Variants in TXNRD2 observed in about 807,000 individuals in gnomAD.
TXNRD2 encodes the protein thioredoxin reductase 2, mitochondrial.
In TXNRD2, 67 loss-of-function variants were observed where a neutral mutation model predicts 70.8. The ratio of observed to expected loss-of-function variants is 0.95; its 90% CI spans 0.78 to 1.16. The LOEUF is 1.16. Among genes scored for constraint, TXNRD2 ranks in the 50% most tolerant of loss-of-function variants. The pLI is 0.00. For missense variants in TXNRD2, 644 were observed against 719.9 expected (o/e 0.89, Z 1.21); for synonymous variants, 301 against 295.8 (o/e 1.02, Z -0.18).
intron 11 of TXNRD2, among the ~76,000 whole-genome samples, chr22:19,884,876 G>A (rs893480179): frequency 6.6e-6 from 1 of 152,144 alleles, no homozygotes; most frequent in African/African-American, 2.4e-5. Flanking sequence ...GCAGCCCCTC[G>A]TGGCTGCCTG....
intron 8 of TXNRD2, among the ~76,000 whole-genome samples, chr22:19,909,904 ACACACC>A (rs1477600585): frequency 2.7e-5 from 1 of 37,028 alleles, no homozygotes; most frequent in Non-Finnish European, 4.4e-5. Flanking sequence ...CACACACACC[ACACACC>A]CACACCCTTC....
At chr22:19,903,325 C>T (rs1939862801) in intron 8 of TXNRD2, among the ~76,000 whole-genome samples, 1 of 152,254 alleles carries the variant, frequency 6.6e-6, no homozygotes, top group Non-Finnish European at 1.5e-5. Context: ...CTCATTCACG[C>T]CCTCGGCCCC....
chr22:19,933,863 A>C (rs1324630911), intron 1 of TXNRD2, among the ~76,000 whole-genome samples: 1 of 151,996 alleles, frequency 6.6e-6, no homozygotes, highest in African/African-American at 2.4e-5. Context: ...AGCCAGGCAT[A>C]CCCTCTCCAC....
At chr22:19,928,026 G>A (rs1941216753) in intron 2 of TXNRD2, among the ~76,000 whole-genome samples, 1 of 151,842 alleles carries the variant, frequency 6.6e-6, no homozygotes, top group South Asian at 2.1e-4. Flanking sequence ...CAACGTTTTG[G>A]GAGGCCAAGG....
intron 2 of TXNRD2, among the ~76,000 whole-genome samples, chr22:19,925,372 A>G (rs1202221904): frequency 4.0e-5 from 6 of 151,856 alleles, no homozygotes; most frequent in African/African-American, 1.5e-4. Flanking sequence ...AGAATTCATT[A>G]CCCCCAGAGC....
chr22:19,891,652 T>G (rs1175522435), intron 11 of TXNRD2: 4 of 152,224 alleles, frequency 2.6e-5, no homozygotes, highest in African/African-American at 9.7e-5. Context: ...GCGGGCGAAT[T>G]CGAGCCCGCA....
chr22:19,927,973 T>C lies in TXNRD2; in HGVS notation c.172+3057A>G, dbSNP rs181950423. The stretch of plus-strand genomic sequence containing the variant: ...ATAAAATATGTGAAAGACGTAGACA[T>C]TGAAAACCACAGGCCAGGCACCGTG... On this transcript the variant is annotated intron_variant, in intron 2 of 17. Coordinates refer to ENST00000400521, the MANE Select transcript of TXNRD2 (RefSeq NM_006440.5). Among the ~76,000 whole-genome samples, 235 of 152,124 alleles carry C rather than the reference T, an allele frequency of 1.5e-3. 1 individual carries two copies. The highest frequency in any genetic ancestry group is 2.0e-3 in the Non-Finnish European group (138 of 67,994).
intron 11 of TXNRD2, among the ~76,000 whole-genome samples, chr22:19,888,972 C>G (rs527933532): frequency 6.6e-6 from 1 of 151,790 alleles, no homozygotes; most frequent in Non-Finnish European, 1.5e-5. Flanking sequence ...AGGGGACGCA[C>G]CTGCCCTGCT....
chr22:19,923,294 C>T (rs993280654), intron 2 of TXNRD2, among the ~76,000 whole-genome samples: 1 of 152,152 alleles, frequency 6.6e-6, no homozygotes, highest in Non-Finnish European at 1.5e-5. Flanking sequence ...TGATGACTTT[C>T]AAGGATAGAT....
intron 10 of TXNRD2, among the ~76,000 whole-genome samples, chr22:19,897,002 C>T (rs997155449): frequency 6.6e-6 from 1 of 152,196 alleles, no homozygotes; most frequent in Non-Finnish European, 1.5e-5. Context: ...CTTGCCTGGG[C>T]ACGGCCCCCA....
At chr22:19,937,256 A>G (rs1361686680) in intron 1 of TXNRD2, among the ~76,000 whole-genome samples, 3 of 152,150 alleles carry the variant, frequency 2.0e-5, no homozygotes, top group African/African-American at 7.2e-5. Context: ...CTGCTCATTT[A>G]GGCTTTGATG....
chr22:19,909,909 C>CA (rs1271207627), intron 8 of TXNRD2, among the ~76,000 whole-genome samples: 35 of 41,506 alleles, frequency 8.4e-4, no homozygotes, highest in Middle Eastern at 9.3e-3. Context: ...ACACCACACA[C>CA]CCACACCCTT....
At chr22:19,935,011 T>C (rs1055729890) in intron 1 of TXNRD2, among the ~76,000 whole-genome samples, 2 of 152,232 alleles carry the variant, frequency 1.3e-5, no homozygotes, top group African/African-American at 4.8e-5. Flanking sequence ...TTGAACAATA[T>C]GAAATCAGCG....
At chr22:19,932,539 G>C in intron 1 of TXNRD2, 1 of 1,516,870 alleles carries the variant, frequency 6.6e-7, no homozygotes, top group South Asian at 1.2e-5. Context: ...ACACTGAACT[G>C]GGCCTGAGGT....
chr22:19,924,841 G>A (rs1478173133), intron 2 of TXNRD2, among the ~76,000 whole-genome samples: 1 of 152,052 alleles, frequency 6.6e-6, no homozygotes, highest in Non-Finnish European at 1.5e-5. Context: ...GGAAGAAGGA[G>A]GGACTCAAGG....
intron 11 of TXNRD2, among the ~76,000 whole-genome samples, chr22:19,888,549 G>C (rs968116961): frequency 2.0e-5 from 3 of 152,256 alleles, no homozygotes. Flanking sequence ...CCAGGTGAGA[G>C]GTAAGTGCCA....
At chr22:19,920,541 C>T (rs13056751) in intron 2 of TXNRD2, among the ~76,000 whole-genome samples, 14,070 of 151,914 alleles carry the variant, frequency 0.093, 888 homozygotes, top group Non-Finnish European at 0.13. Flanking sequence ...AGAGATCACA[C>T]CACTGTACTC....
chr22:19,895,384 C>T lies in TXNRD2; in HGVS notation c.949+23G>A, dbSNP rs748984448. On this transcript the variant is annotated intron_variant, in intron 11 of 17. Coordinates refer to ENST00000400521, the MANE Select transcript of TXNRD2 (RefSeq NM_006440.5). ...CACCTCGGGGAGACCAGAGACAGAG[C>T]GTGTGGCTCGACGTGCCCTTACCTA... 3.1e-6 allele frequency: 5 copies of T among 1,613,620 alleles called. No individual in the cohort carries two copies. In the South Asian group the frequency reaches 3.3e-5, roughly 11 times the overall value.
At chr22:19,918,114 C>A in intron 5 of TXNRD2, 29 bp downstream of exon 5, 1 of 1,601,574 alleles carries the variant, frequency 6.2e-7, no homozygotes, top group South Asian at 1.1e-5. Flanking sequence ...GCCCAGAGGG[C>A]GGCCCATTCC....
Sources: allele counts gnomAD v4.1 joint callset (sites outside exome capture counted in the v4.1 genomes callset), GRCh38; gene constraint gnomAD v4.1.1; transcripts MANE v1.5; gene names NCBI Gene and HGNC (gene_info 2026-07-23, HGNC 2026-07-21).